Variants in BLTP3A observed in about 807,000 individuals in gnomAD.
The protein encoded by BLTP3A is bridge-like lipid transfer protein family member 3A.
chr6:34,850,390 G>A, the BLTP3A span, among the ~76,000 whole-genome samples: 315 of 152,150 alleles, frequency 2.1e-3, 2 homozygotes, highest in African/African-American at 7.2e-3. Context: ...TTGGATATTG[G>A]TATCTTCTCT....
At chr6:34,797,639 C>G in the BLTP3A span, among the ~76,000 whole-genome samples, 1 of 152,152 alleles carries the variant, frequency 6.6e-6, no homozygotes, top group Admixed American at 6.5e-5. Flanking sequence ...CATGCATTTT[C>G]TAGTAATAGT....
chr6:34,817,256 C>T, the BLTP3A span, among the ~76,000 whole-genome samples: 2 of 152,198 alleles, frequency 1.3e-5, no homozygotes, highest in East Asian at 1.9e-4. Context: ...CATTTCTTTC[C>T]GGAAGAGAAA....
the BLTP3A span, among the ~76,000 whole-genome samples, chr6:34,869,317 A>G: frequency 6.5e-4 from 99 of 152,206 alleles, no homozygotes; most frequent in African/African-American, 2.3e-3. Flanking sequence ...ACCTAGTTTA[A>G]TTAATACAAC....
At chr6:34,806,376 C>T in the BLTP3A span, among the ~76,000 whole-genome samples, 1 of 152,172 alleles carries the variant, frequency 6.6e-6, no homozygotes, top group Non-Finnish European at 1.5e-5. Context: ...GAATGTGCTG[C>T]TCTCTTAGGT....
the BLTP3A span, among the ~76,000 whole-genome samples, chr6:34,826,639 T>C: frequency 6.6e-6 from 1 of 152,212 alleles, no homozygotes; most frequent in South Asian, 2.1e-4. Flanking sequence ...ATTACAGACG[T>C]GAGCGACTGT....
chr6:34,855,960 T>G, the BLTP3A span: 1 of 974,736 alleles, frequency 1.0e-6, no homozygotes, highest in African/African-American at 1.8e-5. Context: ...GATTCTACTC[T>G]CAGCCCCTCA....
At chr6:34,851,091 T>G in the BLTP3A span, among the ~76,000 whole-genome samples, 2 of 152,122 alleles carry the variant, frequency 1.3e-5, no homozygotes, top group Non-Finnish European at 2.9e-5. Context: ...TTCATTGAGC[T>G]CCCTCAAAAC....
the BLTP3A span, among the ~76,000 whole-genome samples, chr6:34,794,645 C>T: frequency 1.1e-4 from 16 of 152,150 alleles, no homozygotes; most frequent in Non-Finnish European, 2.1e-4. Flanking sequence ...CATTTTATGG[C>T]TGAGGAAACT....
At chr6:34,869,207 G>A in the BLTP3A span, among the ~76,000 whole-genome samples, 2 of 151,996 alleles carry the variant, frequency 1.3e-5, no homozygotes. Flanking sequence ...TCACCATGTT[G>A]ACCAGGCTGG....
chr6:34,859,038 C>T, the BLTP3A span: 4 of 1,614,194 alleles, frequency 2.5e-6, no homozygotes, highest in African/African-American at 1.3e-5. Flanking sequence ...TCGATGCTGA[C>T]TCTGCAGGCT....
the BLTP3A span, among the ~76,000 whole-genome samples, chr6:34,792,892 C>G: frequency 6.6e-6 from 1 of 152,238 alleles, no homozygotes; most frequent in African/African-American, 2.4e-5. Context: ...TCCTCCTCTT[C>G]TGTCTGACCC....
chr6:34,828,865 T>C, the BLTP3A span, among the ~76,000 whole-genome samples: 2 of 151,346 alleles, frequency 1.3e-5, no homozygotes, highest in Non-Finnish European at 2.9e-5. Flanking sequence ...CTATCTTTAC[T>C]AAAAATACTA....
the BLTP3A span, among the ~76,000 whole-genome samples, chr6:34,852,415 A>G: frequency 1.1e-4 from 17 of 152,164 alleles, no homozygotes; most frequent in Non-Finnish European, 1.9e-4. Context: ...TGTTGTATCT[A>G]GAAATGTCAT....
At chr6:34,876,372 A>C in the BLTP3A span, 1 of 152,146 alleles carries the variant, frequency 6.6e-6, no homozygotes, top group African/African-American at 2.4e-5. Flanking sequence ...CTGTAACTTA[A>C]ATGCTTCCAT....
At chr6:34,841,076 C>A in the BLTP3A span, among the ~76,000 whole-genome samples, 2 of 152,008 alleles carry the variant, frequency 1.3e-5, no homozygotes, top group Non-Finnish European at 2.9e-5. Context: ...CTCAAATAAT[C>A]TTCTCGCCTA....
the BLTP3A span, among the ~76,000 whole-genome samples, chr6:34,817,636 A>G: frequency 6.6e-6 from 1 of 152,098 alleles, no homozygotes; most frequent in African/African-American, 2.4e-5. Context: ...ATGGGCCCAG[A>G]TGGATGCCTG....
chr6:34,806,851 G>C, the BLTP3A span, among the ~76,000 whole-genome samples: 1 of 152,102 alleles, frequency 6.6e-6, no homozygotes, highest in African/African-American at 2.4e-5. Flanking sequence ...GCAGAGACAG[G>C]GTTTCACCTT....
the BLTP3A span, chr6:34,857,343 A>G: frequency 6.2e-7 from 1 of 1,613,132 alleles, no homozygotes; most frequent in Non-Finnish European, 8.5e-7. Context: ...CCACCGCTGG[A>G]CAGCCAAGTA....
chr6:34,857,619 A>T, the BLTP3A span: 1 of 1,451,500 alleles, frequency 6.9e-7, no homozygotes, highest in Non-Finnish European at 9.4e-7. Context: ...TCTGCCCTGT[A>T]TAAATGTGTA....
Sources: gnomAD v4.1 joint callset for allele counts (sites outside exome capture counted in the v4.1 genomes callset) on GRCh38, gnomAD v4.1.1 for gene constraint, MANE v1.5 for transcripts, NCBI Gene and HGNC (gene_info 2026-07-23, HGNC 2026-07-21) for gene names.